CHN2: variants seen among roughly 807,000 people sequenced by gnomAD.
The protein encoded by CHN2 is chimerin 2, also known as beta-chimaerin.
In CHN2, 35 loss-of-function variants were observed where a neutral mutation model predicts 56.3. The ratio of observed to expected loss-of-function variants is 0.62; its 90% CI spans 0.47 to 0.82. The LOEUF is 0.82. CHN2 is among the 40% of genes least tolerant of loss of function. The probability of loss-of-function intolerance (pLI) is 0.00; values close to 1 mark genes in which losing one functional copy is unlikely to be tolerated. For synonymous variants in CHN2, 210 were observed against 212.8 expected (o/e 0.99, Z 0.12); for missense variants, 491 against 580.5 (o/e 0.85, Z 1.58).
At chr7:29,360,351 A>T (rs977868286) in intron 2 of CHN2, among the ~76,000 whole-genome samples, 1 of 152,018 alleles carries the variant, frequency 6.6e-6, no homozygotes, top group Admixed American at 6.6e-5. Context: ...GAGAAACCCC[A>T]TCTCTACTGA....
At chr7:29,479,682 G>A (rs3828979) in intron 6 of CHN2, 389,402 of 1,034,684 alleles carry the variant, frequency 0.38, 74,210 homozygotes, top group East Asian at 0.59. Flanking sequence ...GACTTTGAAC[G>A]TCAGAGCTGG....
chr7:29,456,836 C>T (rs1212276031), intron 6 of CHN2, among the ~76,000 whole-genome samples: 1 of 152,022 alleles, frequency 6.6e-6, no homozygotes, highest in Non-Finnish European at 1.5e-5. Context: ...TGGTGGCTGC[C>T]TCCTGGGCTG....
At chr7:29,450,697 T>TA (rs1784343723) in intron 6 of CHN2, among the ~76,000 whole-genome samples, 1 of 152,214 alleles carries the variant, frequency 6.6e-6, no homozygotes. Flanking sequence ...ACCAAACTTG[T>TA]AGTAATTTGT....
upstream of CHN2, chr7:29,192,309 T>C (rs1429945685): frequency 6.6e-6 from 1 of 152,198 alleles, no homozygotes; most frequent in Non-Finnish European, 1.5e-5. Flanking sequence ...CATCTGTCAA[T>C]TTAGGACAAT....
intron 1 of CHN2, among the ~76,000 whole-genome samples, chr7:29,344,100 A>G (rs1797248072): frequency 6.6e-6 from 1 of 152,122 alleles, no homozygotes; most frequent in Non-Finnish European, 1.5e-5. Context: ...CCAGCTTGTC[A>G]TCAAGGCCTG....
chr7:29,391,145 T>C (rs1236710691), intron 3 of CHN2, among the ~76,000 whole-genome samples: 2 of 152,140 alleles, frequency 1.3e-5, no homozygotes, highest in Non-Finnish European at 2.9e-5. Flanking sequence ...AAGGAGAGAT[T>C]GGATTGCTAT....
At chr7:29,328,252 T>C (rs1795958047) in intron 1 of CHN2, among the ~76,000 whole-genome samples, 1 of 152,226 alleles carries the variant, frequency 6.6e-6, no homozygotes, top group South Asian at 2.1e-4. Context: ...CTTCCTTTTT[T>C]AGACAAGACT....
chr7:29,454,614 A>C (rs1784622754), intron 6 of CHN2, among the ~76,000 whole-genome samples: 1 of 152,214 alleles, frequency 6.6e-6, no homozygotes, highest in Non-Finnish European at 1.5e-5. Flanking sequence ...TGACATGCCC[A>C]GTGCAGAATG....
chr7:29,321,561 T>C (rs1795352762), intron 1 of CHN2, among the ~76,000 whole-genome samples: 1 of 121,336 alleles, frequency 8.2e-6, no homozygotes. Context: ...TTTCTTTCTT[T>C]CTTTCTTTCT....
rs545289689 is a variant in CHN2 at position 29,252,578 on chromosome 7, GTTTTTTTT to G, written c.49+57609_49+57616del. Among the ~76,000 whole-genome samples, 19 of 19,494 alleles carry G rather than the reference GTTTTTTTT, an allele frequency of 9.7e-4. No homozygotes were observed. In the South Asian group the frequency reaches 0.018, roughly 18 times the overall value. 12.8% of individuals were successfully genotyped at this position (19,494 alleles called of 152,430 possible). ...CTGTTTGTCTAAAATTGCATTCTTTGTTTTTTTTTTTTTTTTTTTTTTTTTTTTGAGAC... is the reference window on the plus strand; with the variant it reads ...CTGTTTGTCTAAAATTGCATTCTTTGTTTTTTTTTTTTTTTTTTTTGAGAC... On this transcript the variant is annotated intron_variant, in intron 1 of 12. Coordinates refer to ENST00000222792, the MANE Select transcript of CHN2 (RefSeq NM_004067.4).
At chr7:29,484,073 C>G (rs1787677861) in intron 7 of CHN2, 7 of 432,470 alleles carry the variant, frequency 1.6e-5, no homozygotes, top group African/African-American at 2.1e-5. Context: ...TTTCTACCCT[C>G]TCTTCTTCAT....
chr7:29,501,749 G>T (rs1789992820), intron 9 of CHN2, among the ~76,000 whole-genome samples: 1 of 152,142 alleles, frequency 6.6e-6, no homozygotes, highest in African/African-American at 2.4e-5. Context: ...ATTCCCAGCT[G>T]TGGGGCCACC....
intron 1 of CHN2, among the ~76,000 whole-genome samples, chr7:29,257,574 G>A (rs1789176029): frequency 6.6e-6 from 1 of 152,090 alleles, no homozygotes. Context: ...TAACTGAAAA[G>A]ATGTTTTTGC....
intron 1 of CHN2, among the ~76,000 whole-genome samples, chr7:29,329,122 A>G (rs1796021220): frequency 6.6e-6 from 1 of 152,166 alleles, no homozygotes. Flanking sequence ...AAGTAAGTCA[A>G]AATGAATGGG....
intron 1 of CHN2, among the ~76,000 whole-genome samples, chr7:29,314,260 G>A (rs1261127035): frequency 6.6e-6 from 1 of 152,146 alleles, no homozygotes; most frequent in Non-Finnish European, 1.5e-5. Flanking sequence ...GAACCTTGAG[G>A]CCATTATGCT....
At chr7:29,307,170 C>G (rs560176310) in intron 1 of CHN2, among the ~76,000 whole-genome samples, 2 of 152,302 alleles carry the variant, frequency 1.3e-5, no homozygotes, top group African/African-American at 4.8e-5. Context: ...CTAATGGTTC[C>G]CAACTTACAA....
At chr7:29,408,230 A>T (rs184665761) in intron 6 of CHN2, among the ~76,000 whole-genome samples, 83 of 152,150 alleles carry the variant, frequency 5.5e-4, no homozygotes, top group African/African-American at 1.9e-3. Flanking sequence ...ATATATTAAA[A>T]ATGCCCATGT....
At chr7:29,215,892 C>T (rs962346088) in intron 1 of CHN2, among the ~76,000 whole-genome samples, 8 of 152,030 alleles carry the variant, frequency 5.3e-5, no homozygotes, top group East Asian at 1.9e-4. Context: ...AATATGAACG[C>T]GTTCTTTTAA....
At chr7:29,182,881 C>T (rs2128744578) in intron 2 of CHN2, among the ~76,000 whole-genome samples, 2 of 152,262 alleles carry the variant, frequency 1.3e-5, no homozygotes, top group South Asian at 2.1e-4. Flanking sequence ...AAAATCATGA[C>T]AGCCTGCTGC....
Sources: gnomAD v4.1 joint callset for allele counts (sites outside exome capture counted in the v4.1 genomes callset) on GRCh38, gnomAD v4.1.1 for gene constraint, MANE v1.5 for transcripts, NCBI Gene and HGNC (gene_info 2026-07-23, HGNC 2026-07-21) for gene names.